Variants in ANKLE2 observed in about 807,000 individuals in gnomAD.
ANKLE2 encodes ankyrin repeat and LEM domain containing 2.
In ANKLE2, 55 loss-of-function variants were observed where a neutral mutation model predicts 84.2. That is an observed-to-expected ratio of 0.65 (90% CI 0.53 to 0.82). The LOEUF (loss-of-function observed/expected upper bound fraction) is 0.82. Ranked by LOEUF, ANKLE2 falls within the 40% of genes least tolerant of loss-of-function variation. ANKLE2 has a pLI of 0.00. For synonymous variants in ANKLE2, 551 were observed against 486.1 expected (o/e 1.13, Z -1.76); for missense variants, 1,238 against 1,201.9 (o/e 1.03, Z -0.44).
At position 132,727,269 on chromosome 12, in the gene ANKLE2, C is replaced by T. The variant is rs984225308; in HGVS notation, c.2790G>A (p.Ala930=). Residue 930 remains alanine, a synonymous_variant, in exon 13 of 13, where the codon GCG becomes GCA. Coordinates refer to ENST00000357997, the MANE Select transcript of ANKLE2 (RefSeq NM_015114.3). ...ACAGGGCGGCAAGCTCAGCCAGGCG[C>T]GCCATCCTGCGGAGCTGGCTCCCGT... ...PVHGSQLRRM[A]RLAELAAL 1.8e-5 allele frequency: 28 copies of T among 1,562,540 alleles called. No individual in the cohort carries two copies. The highest frequency in any genetic ancestry group is 2.4e-5 in the East Asian group (1 of 41,944).
intron 7 of ANKLE2, 30 bp downstream of exon 7, chr12:132,741,389 C>T: frequency 3.7e-6 from 6 of 1,611,678 alleles, no homozygotes; most frequent in Non-Finnish European, 5.1e-6. Flanking sequence ...GCGTGGACCC[C>T]ACGATCCAGG....
At chr12:132,733,590 C>T (rs1371808624) in intron 10 of ANKLE2, among the ~76,000 whole-genome samples, 21 of 150,156 alleles carry the variant, frequency 1.4e-4, no homozygotes, top group Non-Finnish European at 2.1e-4. Flanking sequence ...CCGTGTGAAG[C>T]ACTCTGCATC....
At chr12:132,733,173 T>G (rs1278371859) in intron 10 of ANKLE2, among the ~76,000 whole-genome samples, 19 of 107,598 alleles carry the variant, frequency 1.8e-4, no homozygotes, top group South Asian at 3.1e-4. Flanking sequence ...CGTGTGAAGC[T>G]CTCTGCGTGC....
At position 132,727,926 on chromosome 12, in the gene ANKLE2, C is replaced by T. The variant is rs550432459; in HGVS notation, c.2615+106G>A. The T allele has an allele frequency of 2.9e-5, 42 of 1,448,994 alleles. No homozygotes were observed. In the African/African-American group the frequency reaches 5.8e-4, roughly 20 times the overall value. 89.8% of individuals were successfully genotyped at this position (1,448,994 alleles called of 1,614,324 possible). ...TCCACAGCCTGGCTGACGGGCCTGC[C>T]AGCGTTGGGAAAAGCCACTGATAGG... is the stretch of plus-strand genomic sequence containing the variant. On this transcript the variant is annotated intron_variant, in intron 12 of 12. Coordinates refer to ENST00000357997, the MANE Select transcript of ANKLE2 (RefSeq NM_015114.3).
intron 7 of ANKLE2, among the ~76,000 whole-genome samples, chr12:132,739,308 G>A (rs1487168049): frequency 1.3e-5 from 2 of 152,180 alleles, no homozygotes; most frequent in South Asian, 2.1e-4. Context: ...TGAAGGTACT[G>A]AAGAATTTCC....
At position 132,734,371 on chromosome 12, in the gene ANKLE2, C is replaced by G; in HGVS notation, c.1891+14G>C. 1 of 1,612,832 alleles carries G rather than the reference C, an allele frequency of 6.2e-7. No individual in the cohort carries two copies. The highest frequency in any genetic ancestry group is 8.5e-7 in the Non-Finnish European group (1 of 1,179,680). ...CCCCTCCCAGCTGCCACAGCCACGC[C>G]TGCACATGCTTACCAGACGTGGTGG... On this transcript the variant is annotated intron_variant, in intron 10 of 12. Transcript: ENST00000357997.
chr12:132,743,216 G>A lies in ANKLE2; in HGVS notation c.1291C>T (p.Leu431Phe), dbSNP rs2044166780. The A allele has an allele frequency of 6.2e-7, 1 of 1,612,062 alleles. No homozygotes were observed. The highest frequency in any genetic ancestry group is 8.5e-7 in the Non-Finnish European group (1 of 1,179,124). The change falls in exon 6 of 13, where the codon CTT becomes TTT. Residue 431 changes from leucine (L) to phenylalanine (F), a missense_variant. Transcript: ENST00000357997. The surrounding 1 kb of genome is among the most constrained non-coding windows in gnomAD (Gnocchi z 4.1). Reference protein sequence around the residue: ...KFGNADVVNVLSSHHLIVKNS... With the variant: ...KFGNADVVNVFSSHHLIVKNS... The stretch of plus-strand genomic sequence containing the variant: ...TTTACAATCAAATGGTGTGACGAAA[G>A]CACGTTGACTACATCTGCATTTCCA...
At chr12:132,736,413 A>ACTGGGGATGAGTAGAAC (rs2044009867) in intron 8 of ANKLE2, among the ~76,000 whole-genome samples, 1 of 152,260 alleles carries the variant, frequency 6.6e-6, no homozygotes, top group Non-Finnish European at 1.5e-5. Context: ...TTCTCTGAAC[A>ACTGGGGATGAGTAGAAC]CTGGGGATGA....
intron 7 of ANKLE2, chr12:132,737,379 A>C: frequency 3.6e-6 from 1 of 276,418 alleles, no homozygotes; most frequent in African/African-American, 2.2e-5. Context: ...TGAGTGAATA[A>C]GAGTAGCACA....
chr12:132,738,309 G>C (rs2044053791), intron 7 of ANKLE2: 1 of 152,312 alleles, frequency 6.6e-6, no homozygotes, highest in Admixed American at 6.5e-5. Context: ...AAAGCACAAG[G>C]AAGAGTAGTG....
At chr12:132,759,515 A>ATATAT (rs2044569313) in intron 1 of ANKLE2, 2 of 114,578 alleles carry the variant, frequency 1.7e-5, no homozygotes, top group African/African-American at 1.4e-4. Context: ...TGCTGACTAT[A>ATATAT]TATATGTATA....
At position 132,743,337 on chromosome 12, in the gene ANKLE2, G is replaced by A. The variant is rs770235532; in HGVS notation, c.1231-61C>T. 23 of 1,512,022 alleles carry A rather than the reference G, an allele frequency of 1.5e-5. No homozygotes were observed. Among genetic ancestry groups the A allele is most frequent in the Non-Finnish European group, 2.0e-5 (22 of 1,124,122 alleles). 93.7% of individuals were successfully genotyped at this position (1,512,022 alleles called of 1,614,324 possible). On this transcript the variant is annotated intron_variant, in intron 5 of 12. Coordinates refer to ENST00000357997, the MANE Select transcript of ANKLE2 (RefSeq NM_015114.3). The surrounding 1 kb of genome is among the most constrained non-coding windows in gnomAD (Gnocchi z 4.1). Reference sequence around the variant, plus strand: ...ACTTGTCTCATGAGGTTGCTCTAAGGTGAAAATACATATTCATTCATTCAT... The same window carrying A: ...ACTTGTCTCATGAGGTTGCTCTAAGATGAAAATACATATTCATTCATTCAT...
At chr12:132,760,167 G>A (rs1364776250) in intron 1 of ANKLE2, 3 of 149,024 alleles carry the variant, frequency 2.0e-5, no homozygotes, top group Non-Finnish European at 4.4e-5. Context: ...GTAGGGCCGA[G>A]ACACAAACTC....
intron 8 of ANKLE2, among the ~76,000 whole-genome samples, chr12:132,736,006 C>T (rs562383583): frequency 6.6e-6 from 1 of 152,330 alleles, no homozygotes; most frequent in Admixed American, 6.5e-5. Flanking sequence ...GGCTGGAGTG[C>T]AGTGGTACGA....
In ANKLE2 at chr12:132,750,864, TA is replaced by T; in HGVS notation, c.641-16del. 5 of 1,610,292 alleles carry T rather than the reference TA, an allele frequency of 3.1e-6. No homozygotes were observed. The highest frequency in any genetic ancestry group is 4.2e-6 in the Non-Finnish European group (5 of 1,177,508). On this transcript the variant is annotated splice_polypyrimidine_tract_variant and intron_variant, in intron 2 of 12. Coordinates refer to ENST00000357997, the MANE Select transcript of ANKLE2 (RefSeq NM_015114.3). The stretch of plus-strand genomic sequence containing the variant: ...ATAGATCCTTTCTGGGTAAGAAAAG[TA>T]ACAAATGAAAATCAGAGAAGAGTGA...
intron 7 of ANKLE2, chr12:132,737,364 G>A (rs544505313): frequency 2.6e-5 from 8 of 309,956 alleles, no homozygotes; most frequent in East Asian, 1.2e-4. Context: ...CTAAGGGGTC[G>A]GACCTGAGTG....
intron 1 of ANKLE2, chr12:132,760,298 C>T (rs765806081): frequency 3.9e-5 from 6 of 152,202 alleles, no homozygotes; most frequent in Non-Finnish European, 7.3e-5. Flanking sequence ...CAACATGCTT[C>T]GGACACCAGG....
intron 1 of ANKLE2, chr12:132,760,088 C>G (rs925391119): frequency 6.8e-6 from 1 of 147,004 alleles, no homozygotes; most frequent in Admixed American, 7.0e-5. Flanking sequence ...GAGCCGAGAT[C>G]GCGCCACTGC....
chr12:132,734,001 C>A (rs1479270964), intron 10 of ANKLE2: 1 of 461,082 alleles, frequency 2.2e-6, no homozygotes, highest in African/African-American at 2.0e-5. Context: ...TTAACCTTCC[C>A]AGCACTCTAG....
Sources: allele counts gnomAD v4.1 joint callset (sites outside exome capture counted in the v4.1 genomes callset), GRCh38; gene constraint gnomAD v4.1.1; non-coding constraint Gnocchi (gnomAD v3.1); transcripts MANE v1.5; gene names NCBI Gene and HGNC (gene_info 2026-07-23, HGNC 2026-07-21).